The following ZPBP variants were observed in gnomAD, a reference collection of about 807,000 sequenced individuals.
ZPBP encodes zona pellucida-binding protein 1.
Under a neutral mutation model 44.8 loss-of-function variants are expected in ZPBP, and 26 were observed. The ratio of observed to expected loss-of-function variants is 0.58; its 90% CI spans 0.43 to 0.81. The LOEUF (loss-of-function observed/expected upper bound fraction) is 0.81. Among genes scored for constraint, ZPBP ranks in the 30% least tolerant of loss-of-function variants. The pLI is 0.00. For missense variants in ZPBP, 409 were observed against 434.0 expected (o/e 0.94, Z 0.51); for synonymous variants, 174 against 153.2 (o/e 1.14, Z -1.00).
At chr7:50,000,844 C>T (rs1798065030) in intron 6 of ZPBP, among the ~76,000 whole-genome samples, 2 of 152,090 alleles carry the variant, frequency 1.3e-5, no homozygotes, top group Non-Finnish European at 2.9e-5. Context: ...ACACCCAGTA[C>T]CTCAGAATGT....
intron 2 of ZPBP, among the ~76,000 whole-genome samples, chr7:49,862,732 T>TC (rs896941761): frequency 6.6e-6 from 1 of 152,078 alleles, no homozygotes. Context: ...ATGAGTTTTT[T>TC]TTTTTCATTC....
chr7:49,848,708 C>A (rs916560372), downstream of ZPBP, among the ~76,000 whole-genome samples: 1 of 152,210 alleles, frequency 6.6e-6, no homozygotes, highest in Non-Finnish European at 1.5e-5. Flanking sequence ...AAGGCAAACA[C>A]ATTTTTGTGT....
chr7:49,947,052 T>A (rs1229658270), intron 7 of ZPBP, among the ~76,000 whole-genome samples: 1 of 152,144 alleles, frequency 6.6e-6, no homozygotes, highest in Non-Finnish European at 1.5e-5. Context: ...TTTTTAATTA[T>A]TTCAATTTCT....
rs368765465 is a variant in ZPBP at position 50,028,813 on chromosome 7, T to C, written c.706+2279A>G. Among the ~76,000 whole-genome samples the C allele has an allele frequency of 9.5e-5, 14 of 148,102 alleles. No homozygotes were observed. The East Asian group carries it at 2.8e-3, about 30-fold the overall frequency. On this transcript the variant is annotated intron_variant, in intron 5 of 7. Transcript: ENST00000046087. ...AGGACTATAGTTATACACTGAAAAC[T>C]GTAAAATGCTGCTGAAAGAAATTAC...
chr7:50,075,246 CA>C (rs1377829393), intron 3 of ZPBP, among the ~76,000 whole-genome samples: 16 of 151,556 alleles, frequency 1.1e-4, no homozygotes, highest in African/African-American at 1.7e-4. Context: ...CACAACATAC[CA>C]AAACCTATGG....
chr7:50,051,011 G>A (rs969064380), intron 4 of ZPBP, among the ~76,000 whole-genome samples: 1 of 151,876 alleles, frequency 6.6e-6, no homozygotes, highest in Non-Finnish European at 1.5e-5. Context: ...TATACAAAGT[G>A]AGAGAATATT....
intron 7 of ZPBP, among the ~76,000 whole-genome samples, chr7:49,960,135 A>G (rs1795795600): frequency 6.6e-6 from 1 of 152,136 alleles, no homozygotes; most frequent in African/African-American, 2.4e-5. Flanking sequence ...TAAAAAACAC[A>G]GAGGCCGGGC....
chr7:49,935,531 T>G (rs1391591064), downstream of ZPBP, among the ~76,000 whole-genome samples: 2 of 152,148 alleles, frequency 1.3e-5, no homozygotes. Context: ...CCTGAGTAGC[T>G]GGGACTACAG....
chr7:49,949,178 T>C (rs1041260789), intron 7 of ZPBP, among the ~76,000 whole-genome samples: 3 of 152,112 alleles, frequency 2.0e-5, no homozygotes, highest in Non-Finnish European at 4.4e-5. Context: ...AAGAGAGCCC[T>C]CTCCAGAAAC....
chr7:49,866,255 T>G (rs1333723436), intron 2 of ZPBP, among the ~76,000 whole-genome samples: 2 of 152,232 alleles, frequency 1.3e-5, no homozygotes, highest in Non-Finnish European at 2.9e-5. Flanking sequence ...TATGCTTTTT[T>G]CAAGATCCTC....
chr7:50,089,421 T>C (rs988794713), intron 2 of ZPBP, among the ~76,000 whole-genome samples: 1 of 152,048 alleles, frequency 6.6e-6, no homozygotes, highest in African/African-American at 2.4e-5. Flanking sequence ...GAAATAATTA[T>C]TCTTTGTATA....
At chr7:50,029,588 A>G (rs905917137) in intron 5 of ZPBP, among the ~76,000 whole-genome samples, 6 of 152,218 alleles carry the variant, frequency 3.9e-5, no homozygotes, top group African/African-American at 1.4e-4. Flanking sequence ...AGAATACAGT[A>G]TTTGGAATAT....
chr7:50,021,225 C>T (rs1422470923), intron 5 of ZPBP, among the ~76,000 whole-genome samples: 1 of 152,008 alleles, frequency 6.6e-6, no homozygotes. Flanking sequence ...AACTCTAAAT[C>T]AGCTATCTTA....
intron 4 of ZPBP, among the ~76,000 whole-genome samples, chr7:50,037,264 A>G (rs1799868444): frequency 6.6e-6 from 1 of 152,222 alleles, no homozygotes; most frequent in Non-Finnish European, 1.5e-5. Flanking sequence ...AAAAACAACC[A>G]TTAAACAGTC....
intron 1 of ZPBP, among the ~76,000 whole-genome samples, chr7:49,931,045 G>A (rs906025749): frequency 6.6e-6 from 1 of 152,202 alleles, no homozygotes. Flanking sequence ...TGCTGCGCAT[G>A]CTCTCTTGCC....
chr7:49,914,396 A>G (rs1398449847), intron 1 of ZPBP: 1 of 152,090 alleles, frequency 6.6e-6, no homozygotes, highest in Non-Finnish European at 1.5e-5. Context: ...AAGTTAACTG[A>G]CTCACTTGCT....
downstream of ZPBP, among the ~76,000 whole-genome samples, chr7:49,935,492 G>A (rs114621718): frequency 0.022 from 3,304 of 152,080 alleles, 140 homozygotes; most frequent in African/African-American, 0.076. Flanking sequence ...TCCGCTTTCT[G>A]GTTTCAAGCG....
Position 50,005,036 on chromosome 7 carries a change from TTA to T in ZPBP, c.783+13202_783+13203del, listed in dbSNP as rs201584631. Among the ~76,000 whole-genome samples the T allele has an allele frequency of 1.1e-3, 86 of 81,376 alleles. 1 individual carries two copies. The highest frequency in any genetic ancestry group is 1.9e-3 in the African/African-American group (43 of 22,962). The allele number at this position is 81,376 out of a possible 152,430, so 53.4% of individuals were successfully genotyped here. A position where few individuals can be genotyped will look rare whatever the true frequency, so the allele number is the denominator to read the frequency against. On this transcript the variant is annotated intron_variant, in intron 6 of 7. Coordinates refer to ENST00000046087, the MANE Select transcript of ZPBP (RefSeq NM_007009.3). ...TGTCAAAGAAAACAACTGAATCATT[TTA>T]AAAAAAAAAAAGGCAAGAGAAACTC...
chr7:49,854,099 T>C (rs996399719), intron 2 of ZPBP, among the ~76,000 whole-genome samples: 8 of 152,102 alleles, frequency 5.3e-5, no homozygotes, highest in African/African-American at 1.9e-4. Context: ...CACATTTTCT[T>C]AATCCAGTCT....
Sources: gnomAD v4.1 joint callset for allele counts (sites outside exome capture counted in the v4.1 genomes callset) on GRCh38, gnomAD v4.1.1 for gene constraint, MANE v1.5 for transcripts, NCBI Gene and HGNC (gene_info 2026-07-23, HGNC 2026-07-21) for gene names.